SSH1: variants seen among roughly 807,000 people sequenced by gnomAD.
SSH1 encodes slingshot protein phosphatase 1, also known as protein phosphatase Slingshot homolog 1.
In SSH1, 43 loss-of-function variants were observed where a neutral mutation model predicts 79.7. The observed-to-expected ratio is 0.54, with a 90% CI of 0.42 to 0.70. SSH1 has a LOEUF of 0.70. Ranked by LOEUF, SSH1 falls within the 30% of genes least tolerant of loss-of-function variation. SSH1 has a pLI of 0.00. For missense variants in SSH1, 1,206 were observed against 1,358.8 expected (o/e 0.89, Z 1.77); for synonymous variants, 599 against 538.3 (o/e 1.11, Z -1.56).
At chr12:108,826,142 G>A (rs1204670228) in intron 2 of SSH1, 18 of 455,176 alleles carry the variant, frequency 4.0e-5, no homozygotes, top group Non-Finnish European at 6.6e-5. Context: ...AACCATTAAC[G>A]ATGACCTTTG....
chr12:108,837,004 G>A, intron 2 of SSH1: 1 of 490,138 alleles, frequency 2.0e-6, no homozygotes, highest in Non-Finnish European at 4.2e-6. Flanking sequence ...GCTGAGGTGG[G>A]CGGATCACTT....
chr12:108,836,890 C>T (rs764563094), intron 2 of SSH1: 19 of 533,434 alleles, frequency 3.6e-5, no homozygotes, highest in Admixed American at 2.9e-4. Flanking sequence ...ATCAGACACA[C>T]TCACACTGAG....
At chr12:108,789,644 A>ACTTT (rs2036419069) in intron 14 of SSH1, among the ~76,000 whole-genome samples, 1 of 152,102 alleles carries the variant, frequency 6.6e-6, no homozygotes, top group African/African-American at 2.4e-5. Flanking sequence ...GAGAGGGACA[A>ACTTT]GTTCTAAGTC....
chr12:108,842,154 G>A (rs2038793859), intron 2 of SSH1, among the ~76,000 whole-genome samples: 1 of 151,678 alleles, frequency 6.6e-6, no homozygotes, highest in South Asian at 2.1e-4. Context: ...GAGAGAGAGG[G>A]AAAAAAAATT....
At chr12:108,823,107 AGCATCTGAGCCTCT>A in intron 3 of SSH1, 137 bp downstream of exon 3, 1 of 739,334 alleles carries the variant, frequency 1.4e-6, no homozygotes, top group Non-Finnish European at 2.4e-6. Context: ...CTCAAGAGAG[AGCATCTGAGCCTCT>A]GCCTGCACTG....
chr12:108,836,562 G>A (rs997388578), intron 2 of SSH1, among the ~76,000 whole-genome samples: 5 of 152,240 alleles, frequency 3.3e-5, no homozygotes, highest in Non-Finnish European at 7.3e-5. Flanking sequence ...GAGCAAGGAT[G>A]TCAACAATTT....
chr12:108,815,718 A>T (rs1026728927), intron 5 of SSH1, among the ~76,000 whole-genome samples: 3 of 152,144 alleles, frequency 2.0e-5, no homozygotes, highest in African/African-American at 7.2e-5. Context: ...CTCCTATGCT[A>T]CAGGTTCTTC....
chr12:108,799,739 G>A (rs1463635215), intron 12 of SSH1, among the ~76,000 whole-genome samples: 2 of 152,104 alleles, frequency 1.3e-5, no homozygotes, highest in African/African-American at 2.4e-5. Flanking sequence ...GAGTAAGGGC[G>A]GCCGCAAAAA....
At position 108,789,011 on chromosome 12, in the gene SSH1, G is replaced by A. The variant is rs768826192; in HGVS notation, c.2127C>T (p.Thr709=). The change falls in exon 15 of 15, where the codon ACC becomes ACT. Residue 709 remains threonine, a synonymous_variant. Transcript: ENST00000326495. ...RVPEKPASGP[T]EPPPFLPPAG... is the part of the protein sequence containing the mutation. ...CTGGTGGTAGGAACGGGGGAGGTTC[G>A]GTTGGGCCAGAGGCTGGCTTCTCCG... 49 of 1,609,108 alleles carry A rather than the reference G, an allele frequency of 3.0e-5. No individual in the cohort carries two copies. Among genetic ancestry groups the A allele is most frequent in the African/African-American group, 5.3e-5 (4 of 74,788 alleles).
At chr12:108,806,254 G>A (rs751212290) in intron 9 of SSH1, 47 bp downstream of exon 9, 14 of 1,544,230 alleles carry the variant, frequency 9.1e-6, no homozygotes, top group Non-Finnish European at 1.3e-5. Flanking sequence ...AGGACACATG[G>A]AGGCTGCATG....
chr12:108,800,917 G>A lies in SSH1; in HGVS notation c.1011C>T (p.Tyr337=). Residue 337 remains tyrosine (Y), a synonymous_variant, in exon 12 of 15, where the codon TAC becomes TAT. Coordinates refer to ENST00000326495, the MANE Select transcript of SSH1 (RefSeq NM_018984.4). ...LEELQGSGVD[Y]ILNVTREIDN... ...CGATTTCTCTGGTAACATTTAAAATGTAATCAACCCTGCAATGAGAAAAAA... is the reference window on the plus strand; with the variant it reads ...CGATTTCTCTGGTAACATTTAAAATATAATCAACCCTGCAATGAGAAAAAA... The A allele has an allele frequency of 6.2e-7, 1 of 1,613,714 alleles. No individual in the cohort carries two copies. Among genetic ancestry groups the A allele is most frequent in the Non-Finnish European group, 8.5e-7 (1 of 1,179,752 alleles).
intron 2 of SSH1, among the ~76,000 whole-genome samples, chr12:108,844,752 C>A (rs2038859888): frequency 6.6e-6 from 1 of 152,210 alleles, no homozygotes; most frequent in South Asian, 2.1e-4. Context: ...TAAGACCCTA[C>A]AGAAGCAGAC....
chr12:108,845,215 TAA>T (rs1192904339), intron 2 of SSH1, among the ~76,000 whole-genome samples: 2 of 115,564 alleles, frequency 1.7e-5, no homozygotes, highest in Non-Finnish European at 3.7e-5. Context: ...AAAAAAAAAG[TAA>T]AAAAAAAAAG....
intron 2 of SSH1, among the ~76,000 whole-genome samples, chr12:108,840,913 AC>A (rs1175092892): frequency 6.6e-6 from 1 of 152,082 alleles, no homozygotes; most frequent in East Asian, 1.9e-4. Flanking sequence ...ACCCAGCTAG[AC>A]CCCCATAAGC....
Position 108,805,571 on chromosome 12 carries a change from A to G in SSH1, c.826-387T>C, listed in dbSNP as rs375865856. ...TTAAAAAATGTATTCATTAATTAAAAGACAGGGCTGGATGGAGTGGCTCAT... is the reference window on the plus strand; with the variant it reads ...TTAAAAAATGTATTCATTAATTAAAGGACAGGGCTGGATGGAGTGGCTCAT... On this transcript the variant is annotated intron_variant, in intron 9 of 14. Transcript: ENST00000326495. 1.2e-3 allele frequency among the ~76,000 whole-genome samples: 184 copies of G among 152,344 alleles called. 1 individual carries two copies. Among genetic ancestry groups the G allele is most frequent in the Non-Finnish European group, 1.2e-3 (85 of 68,034 alleles).
At chr12:108,832,093 A>G (rs2038488049) in intron 2 of SSH1, among the ~76,000 whole-genome samples, 1 of 152,148 alleles carries the variant, frequency 6.6e-6, no homozygotes, top group African/African-American at 2.4e-5. Context: ...CCCTGATGAA[A>G]CAACCCCAGC....
At chr12:108,854,487 G>C (rs1430392152) in intron 1 of SSH1, among the ~76,000 whole-genome samples, 2 of 152,186 alleles carry the variant, frequency 1.3e-5, no homozygotes. Context: ...CATAATCAAA[G>C]ACTGGGAAAA....
At position 108,853,271 on chromosome 12, in the gene SSH1, G is replaced by C. The variant is rs2039081112; in HGVS notation, c.70-593C>G. ...GGTTTATTTATATAAATGCAAGAAAGAGATATTTAATATTTTCTGAAATCT... is the reference window on the plus strand; with the variant it reads ...GGTTTATTTATATAAATGCAAGAAACAGATATTTAATATTTTCTGAAATCT... On this transcript the variant is annotated intron_variant, in intron 1 of 14. Coordinates refer to ENST00000326495, the MANE Select transcript of SSH1 (RefSeq NM_018984.4). 3.0e-6 allele frequency: 3 copies of C among 984,844 alleles called. No homozygotes were observed. In the South Asian group the frequency reaches 1.4e-4, roughly 46 times the overall value. The allele number at this position is 984,844 out of a possible 1,614,324, so 61.0% of individuals were successfully genotyped here.
chr12:108,809,598 C>T (rs2037471877), intron 7 of SSH1, 95 bp downstream of exon 7: 8 of 1,040,066 alleles, frequency 7.7e-6, no homozygotes, highest in Admixed American at 1.7e-5. Context: ...CATGCACATA[C>T]GTAACGAGCT....
Sources: gnomAD v4.1 joint callset for allele counts (sites outside exome capture counted in the v4.1 genomes callset) on GRCh38, gnomAD v4.1.1 for gene constraint, MANE v1.5 for transcripts, NCBI Gene and HGNC (gene_info 2026-07-23, HGNC 2026-07-21) for gene names.